Variants in PPFIA1 observed in about 807,000 individuals in gnomAD.
PPFIA1 encodes the protein liprin-alpha-1.
Under a neutral mutation model 149.9 loss-of-function variants are expected in PPFIA1, and 25 were observed. The ratio of observed to expected loss-of-function variants is 0.17; its 90% CI spans 0.12 to 0.23. The LOEUF is 0.23. Among genes scored for constraint, PPFIA1 ranks in the 10% least tolerant of loss-of-function variants. The pLI is 1.00. For synonymous variants in PPFIA1, 549 were observed against 552.8 expected (o/e 0.99, Z 0.10); for missense variants, 1,362 against 1,506.5 (o/e 0.90, Z 1.59).
At chr11:70,376,475 ACACCCTT>A in intron 24 of PPFIA1, 50 bp from the exon 25 acceptor site, 1 of 1,509,268 alleles carries the variant, frequency 6.6e-7, no homozygotes, top group Non-Finnish European at 9.2e-7. Flanking sequence ...TACGATGCTA[ACACCCTT>A]CAAATTAGAT....
chr11:70,321,615 CAAAAAA>C (rs1306657827), intron 2 of PPFIA1, among the ~76,000 whole-genome samples: 2 of 151,308 alleles, frequency 1.3e-5, no homozygotes, highest in Non-Finnish European at 2.9e-5. Context: ...AGATATGACC[CAAAAAA>C]GAAAAAGAAA....
At chr11:70,336,837 T>C (rs1285952180) in intron 11 of PPFIA1, among the ~76,000 whole-genome samples, 1 of 152,130 alleles carries the variant, frequency 6.6e-6, no homozygotes, top group African/African-American at 2.4e-5. Context: ...TGAGATTGGT[T>C]GTTAGGATTG....
At chr11:70,331,513 C>T (rs1024017825) in intron 8 of PPFIA1, among the ~76,000 whole-genome samples, 3 of 152,150 alleles carry the variant, frequency 2.0e-5, no homozygotes, top group South Asian at 2.1e-4. Context: ...GGCACAGTGG[C>T]GCACACCTGT....
chr11:70,362,407 C>T lies in PPFIA1; in HGVS notation c.2784C>T (p.Pro928=), dbSNP rs1008214319. ...AGCGTGAGATTGGCATCAGCAACCC[C>T]CTGCACAGGCTGAAGCTGAGGCTGG... ...EIQREIGISN[P]LHRLKLRLAI... Residue 928 remains proline (P), a synonymous_variant, in exon 21 of 28, where the codon CCC becomes CCT. Transcript: ENST00000253925. 1.2e-6 allele frequency: 2 copies of T among 1,614,192 alleles called. No homozygotes were observed. Among genetic ancestry groups the T allele is most frequent in the Non-Finnish European group, 1.7e-6 (2 of 1,180,036 alleles).
chr11:70,277,060 A>ATATATATATATATATATT, intron 2 of PPFIA1, among the ~76,000 whole-genome samples: 5 of 66,310 alleles, frequency 7.5e-5, no homozygotes, highest in African/African-American at 5.9e-4. Flanking sequence ...ATATATATAT[A>ATATATATATATATATATT]TTTTTTTTTT....
chr11:70,350,943 G>A, intron 16 of PPFIA1: 1 of 1,112,794 alleles, frequency 9.0e-7, no homozygotes, highest in African/African-American at 1.6e-5. Flanking sequence ...TAACTTCAAA[G>A]TGTATATAGT....
At chr11:70,287,007 A>G (rs1041124998) in intron 2 of PPFIA1, among the ~76,000 whole-genome samples, 2 of 151,556 alleles carry the variant, frequency 1.3e-5, no homozygotes, top group Non-Finnish European at 2.9e-5. Context: ...ACACACACAC[A>G]TACATATATG....
At chr11:70,288,546 C>G (rs1403817230) in intron 2 of PPFIA1, among the ~76,000 whole-genome samples, 1 of 152,154 alleles carries the variant, frequency 6.6e-6, no homozygotes, top group Non-Finnish European at 1.5e-5. Flanking sequence ...CCATGGTGTT[C>G]CCTGCTCAAA....
intron 7 of PPFIA1, 137 bp from the exon 8 acceptor site, chr11:70,330,036 T>C (rs2054560192): frequency 2.7e-6 from 2 of 727,918 alleles, no homozygotes; most frequent in African/African-American, 1.9e-5. Context: ...AGTGAGCTGC[T>C]GTATCTGGCC....
chr11:70,382,009 C>T, intron 26 of PPFIA1, 79 bp from the exon 27 acceptor site: 1 of 1,266,428 alleles, frequency 7.9e-7, no homozygotes, highest in Non-Finnish European at 1.1e-6. Context: ...AGATGTGTGT[C>T]TACTTGTGCC....
intron 16 of PPFIA1, chr11:70,349,962 C>A: frequency 2.2e-6 from 1 of 455,390 alleles, no homozygotes; most frequent in Non-Finnish European, 4.4e-6. Context: ...CTCAGGTCCC[C>A]ATCAGTCAGT....
In PPFIA1 at chr11:70,336,266, GC is replaced by G; in HGVS notation, c.1428+573del. Among the ~76,000 whole-genome samples the G allele has an allele frequency of 2.6e-5, 4 of 152,302 alleles. No homozygotes were observed. The South Asian group carries it at 8.3e-4, about 32-fold the overall frequency. On this transcript the variant is annotated intron_variant, in intron 11 of 27. Transcript: ENST00000253925. ...GTCTGTAATCCCAGCACTTTGGGAG[GC>G]TGAGGCAGGCAGATCACTTCAGCCA... is the stretch of plus-strand genomic sequence containing the variant.
At position 70,343,836 on chromosome 11, in the gene PPFIA1, G is replaced by A. The variant is rs745358718; in HGVS notation, c.1875G>A (p.Ala625=). The A allele has an allele frequency of 9.1e-5, 147 of 1,613,942 alleles. 1 individual carries two copies. Among genetic ancestry groups the A allele is most frequent in the Admixed American group, 5.0e-4 (30 of 59,996 alleles). Residue 625 remains alanine, a synonymous_variant, in exon 15 of 28, where the codon GCG becomes GCA. Coordinates refer to ENST00000253925, the MANE Select transcript of PPFIA1 (RefSeq NM_003626.5). ...DLLSPSGQAD[A]HTLAMMLQEQ... Reference sequence around the variant, plus strand: ...TATCGCCCAGCGGGCAGGCCGACGCGCACACACTAGCCATGATGCTTCAGG... The same window carrying A: ...TATCGCCCAGCGGGCAGGCCGACGCACACACACTAGCCATGATGCTTCAGG...
In PPFIA1 at chr11:70,272,279, T is replaced by C. The variant is rs1048280234; in HGVS notation, c.107T>C (p.Phe36Ser). ...SPSQPDADSH[F>S]EQLMVSMLEE... ...TCACAGCCAGATGCAGATTCACATT[T>C]TGAACAGTTGATGGTCTCCATGCTA... Residue 36 changes from phenylalanine to serine, a missense_variant, in exon 2 of 28, where the codon TTT (phenylalanine) becomes TCT (serine). By Grantham distance (155) the Phe-to-Ser change is radical. This residue lies in a region of PPFIA1 where 100 missense variants were observed against 106.2 expected (regional missense o/e 0.94). Transcript: ENST00000253925. 1 of 1,614,084 alleles carries C rather than the reference T, an allele frequency of 6.2e-7. No individual in the cohort carries two copies. Among genetic ancestry groups the C allele is most frequent in the Admixed American group, 1.7e-5 (1 of 60,002 alleles).
intron 21 of PPFIA1, among the ~76,000 whole-genome samples, chr11:70,366,476 C>T (rs916418269): frequency 2.0e-5 from 3 of 152,236 alleles, no homozygotes; most frequent in African/African-American, 4.8e-5. Context: ...TAAGCCTCTT[C>T]TTGAGTACTG....
intron 20 of PPFIA1, 31 bp from the exon 21 acceptor site, chr11:70,362,257 G>A (rs1031502732): frequency 3.6e-5 from 58 of 1,613,708 alleles, no homozygotes; most frequent in Non-Finnish European, 4.6e-5. Context: ...GTACCTCACT[G>A]TGCTGCCTTC....
intron 16 of PPFIA1, 117 bp downstream of exon 16, chr11:70,348,537 G>A (rs2055857322): frequency 1.2e-6 from 1 of 867,724 alleles, no homozygotes; most frequent in East Asian, 2.6e-5. Flanking sequence ...AGAGGTTCAA[G>A]ATTATAAAAA....
chr11:70,324,357 A>AG lies in PPFIA1; in HGVS notation c.265-40dup, dbSNP rs774988909. 2.7e-5 allele frequency: 39 copies of AG among 1,437,656 alleles called. No homozygotes were observed. The African/African-American group carries it at 5.0e-4, about 18-fold the overall frequency. The allele number at this position is 1,437,656 out of a possible 1,614,324, so 89.1% of individuals were successfully genotyped here. ...GGAGCCTTGATGAAAGGCTTTCTTT[A>AG]GGGGGTCTTTCTTATTTATTTAATT... On this transcript the variant is annotated intron_variant, in intron 2 of 27. Coordinates refer to ENST00000253925, the MANE Select transcript of PPFIA1 (RefSeq NM_003626.5).
intron 2 of PPFIA1, among the ~76,000 whole-genome samples, chr11:70,322,436 C>T (rs955797607): frequency 6.6e-6 from 1 of 152,132 alleles, no homozygotes; most frequent in Non-Finnish European, 1.5e-5. Flanking sequence ...GGACAGAAGA[C>T]CGGTCTACTT....
Sources: allele counts gnomAD v4.1 joint callset (sites outside exome capture counted in the v4.1 genomes callset), GRCh38; gene constraint gnomAD v4.1.1; regional missense constraint gnomAD v4.1.1; transcripts MANE v1.5; gene names NCBI Gene and HGNC (gene_info 2026-07-23, HGNC 2026-07-21).